Variants in NUCB2 observed in about 807,000 individuals in gnomAD.
NUCB2 encodes nucleobindin-2.
Under a neutral mutation model 57.9 loss-of-function variants are expected in NUCB2, and 48 were observed. That is an observed-to-expected ratio of 0.83 (90% CI 0.66 to 1.05). NUCB2 has a LOEUF of 1.05. Ranked by LOEUF, NUCB2 falls within the 50% of genes least tolerant of loss-of-function variation. NUCB2 has a pLI of 0.00. For missense variants in NUCB2, 442 were observed against 476.2 expected, an observed-to-expected ratio of 0.93 and a Z score of 0.67; for synonymous variants, 139 against 152.1, an observed-to-expected ratio of 0.91 and a Z score of 0.64.
chr11:17,294,379 A>T (rs1308032140), intron 2 of NUCB2, among the ~76,000 whole-genome samples: 1 of 152,164 alleles, frequency 6.6e-6, no homozygotes, highest in Non-Finnish European at 1.5e-5. Flanking sequence ...AAGATTGAGA[A>T]CTAAACTTTG....
chr11:17,313,999 A>G (rs1303012242), intron 10 of NUCB2, among the ~76,000 whole-genome samples: 1 of 151,838 alleles, frequency 6.6e-6, no homozygotes, highest in Non-Finnish European at 1.5e-5. Context: ...TATCTGCTTG[A>G]CAGTTCTCCT....
intron 2 of NUCB2, among the ~76,000 whole-genome samples, chr11:17,343,341 A>G (rs1362867027): frequency 6.6e-6 from 1 of 152,206 alleles, no homozygotes; most frequent in Admixed American, 6.5e-5. Context: ...TCTCTTTGCT[A>G]TCTCCCATGA....
chr11:17,301,752 G>A lies in NUCB2; in HGVS notation c.261G>A (p.Arg87=). The A allele has an allele frequency of 6.2e-7, 1 of 1,607,968 alleles. No individual in the cohort carries two copies. ...KADIEEIKSG[R]LSKELDLVSH... ...ACTAATTTTGTTAACAGAGTGGGAG[G>A]CTAAGCAAAGAACTGGATTTAGTAA... Residue 87 remains arginine (R), a synonymous_variant, in exon 5 of 14, where the codon AGG becomes AGA. Transcript: ENST00000529010.
intron 2 of NUCB2, among the ~76,000 whole-genome samples, chr11:17,348,330 T>G (rs1381201651): frequency 2.4e-5 from 3 of 124,032 alleles, no homozygotes; most frequent in Admixed American, 8.3e-5. Flanking sequence ...TTTTTTTTTT[T>G]TTTTTTTTTT....
At chr11:17,294,989 G>A (rs1945584186) in intron 2 of NUCB2, among the ~76,000 whole-genome samples, 1 of 151,972 alleles carries the variant, frequency 6.6e-6, no homozygotes, top group African/African-American at 2.4e-5. Flanking sequence ...CAGAGGTTGG[G>A]GTGAGCAGTG....
chr11:17,284,704 C>G (rs1943319328), intron 2 of NUCB2, among the ~76,000 whole-genome samples: 1 of 109,522 alleles, frequency 9.1e-6, no homozygotes, highest in Non-Finnish European at 1.9e-5. Context: ...TAAAAACAAC[C>G]CAGTTTTTAA....
intron 2 of NUCB2, among the ~76,000 whole-genome samples, chr11:17,285,743 C>CAAAAAAAAA (rs1159389193): frequency 8.3e-5 from 3 of 36,122 alleles, no homozygotes; most frequent in African/African-American, 2.1e-4. Context: ...GACTCCGTCT[C>CAAAAAAAAA]AAAAAAAAAA....
chr11:17,287,189 C>T (rs1283772754), intron 2 of NUCB2, among the ~76,000 whole-genome samples: 1 of 151,988 alleles, frequency 6.6e-6, no homozygotes, highest in African/African-American at 2.4e-5. Flanking sequence ...ATATATATCA[C>T]CACGCATGGT....
chr11:17,288,983 A>G (rs1591261584), intron 2 of NUCB2, among the ~76,000 whole-genome samples: 6 of 109,256 alleles, frequency 5.5e-5, no homozygotes, highest in Non-Finnish European at 8.8e-5. Context: ...TTTGAGATGG[A>G]GTTTTGCTCT....
chr11:17,332,057 GA>G lies in NUCB2; in HGVS notation c.*639del, dbSNP rs1316725588. 1 of 152,142 alleles carries G rather than the reference GA, an allele frequency of 6.6e-6. No homozygotes were observed. Among genetic ancestry groups the G allele is most frequent in the Non-Finnish European group, 1.5e-5 (1 of 68,016 alleles). 9.4% of individuals were successfully genotyped at this position (152,142 alleles called of 1,614,324 possible). ...TGTTACATATAACAGAAAAAACAAA[GA>G]TAACAGTGGTTTAAACTAAATAGGA... On this transcript the variant is annotated 3_prime_UTR_variant, in exon 14 of 14. Coordinates refer to ENST00000529010, the MANE Select transcript of NUCB2 (RefSeq NM_005013.4).
At chr11:17,312,405 ATT>A (rs201161740) in intron 10 of NUCB2, among the ~76,000 whole-genome samples, 47 of 137,588 alleles carry the variant, frequency 3.4e-4, no homozygotes, top group South Asian at 7.0e-4. Flanking sequence ...CCTACCTAAT[ATT>A]TTTTTTTTTT....
chr11:17,336,684 G>A, downstream of NUCB2, among the ~76,000 whole-genome samples: 1 of 145,488 alleles, frequency 6.9e-6, no homozygotes, highest in African/African-American at 2.5e-5. Flanking sequence ...AACCCGGGAG[G>A]CGGAGCTTGC....
intron 2 of NUCB2, 23 bp from the exon 3 acceptor site, chr11:17,295,301 C>G (rs985100462): frequency 3.1e-6 from 5 of 1,592,226 alleles, no homozygotes; most frequent in Non-Finnish European, 4.3e-6. Context: ...CATGACTTTA[C>G]CATAATTACT....
intron 1 of NUCB2, among the ~76,000 whole-genome samples, chr11:17,277,564 G>C (rs1487878175): frequency 1.3e-5 from 2 of 152,148 alleles, no homozygotes; most frequent in African/African-American, 4.8e-5. Flanking sequence ...TATGATTTTT[G>C]AGAGACAGAA....
chr11:17,296,492 C>T (rs928931387), intron 4 of NUCB2, among the ~76,000 whole-genome samples: 15 of 152,144 alleles, frequency 9.9e-5, no homozygotes, highest in African/African-American at 3.6e-4. Context: ...AAATCATATC[C>T]AGAAATAGAT....
chr11:17,322,316 T>C (rs183865068), intron 11 of NUCB2, among the ~76,000 whole-genome samples: 80 of 152,244 alleles, frequency 5.3e-4, no homozygotes, highest in African/African-American at 1.7e-3. Context: ...CATATGGATG[T>C]TCAGTTTTCC....
chr11:17,289,606 C>T (rs866395374), intron 2 of NUCB2, among the ~76,000 whole-genome samples: 1 of 152,180 alleles, frequency 6.6e-6, no homozygotes, highest in Non-Finnish European at 1.5e-5. Context: ...TTAGCTCAGC[C>T]ACCATCCATC....
intron 2 of NUCB2, chr11:17,349,241 C>T (rs1274723012): frequency 6.6e-6 from 1 of 152,194 alleles, no homozygotes; most frequent in South Asian, 2.1e-4. Flanking sequence ...ACAAAATGGG[C>T]TCAGCTCCTT....
chr11:17,293,648 A>G (rs1009273589), intron 2 of NUCB2, among the ~76,000 whole-genome samples: 1 of 152,248 alleles, frequency 6.6e-6, no homozygotes, highest in African/African-American at 2.4e-5. Context: ...CCAAATGTCC[A>G]TCAGTTCATG....
Sources: allele counts gnomAD v4.1 joint callset (sites outside exome capture counted in the v4.1 genomes callset), GRCh38; gene constraint gnomAD v4.1.1; transcripts MANE v1.5; gene names NCBI Gene and HGNC (gene_info 2026-07-23, HGNC 2026-07-21).